The following FIRRM variants were observed in gnomAD, a reference collection of about 807,000 sequenced individuals.
FIRRM encodes FIGNL1-interacting regulator of recombination and mitosis.
chr1:169,795,356 G>A, the FIRRM span: 1 of 1,407,210 alleles, frequency 7.1e-7, no homozygotes, highest in Admixed American at 2.6e-5. Context: ...CAGTGAGTGG[G>A]ATGAAAAGTG....
the FIRRM span, chr1:169,827,741 G>A: frequency 1.9e-6 from 3 of 1,614,110 alleles, no homozygotes; most frequent in Admixed American, 3.3e-5. Context: ...TTTCCACAAT[G>A]TCTTCTTCTG....
the FIRRM span, among the ~76,000 whole-genome samples, chr1:169,810,147 C>T: frequency 6.6e-6 from 1 of 152,122 alleles, no homozygotes; most frequent in Non-Finnish European, 1.5e-5. Flanking sequence ...GCAGAGCCCT[C>T]ATGACTTAAT....
chr1:169,823,214 T>TACTGC, the FIRRM span, among the ~76,000 whole-genome samples: 1 of 149,996 alleles, frequency 6.7e-6, no homozygotes, highest in Non-Finnish European at 1.5e-5. Flanking sequence ...CACAACATTG[T>TACTGC]ACTGCAGCCT....
chr1:169,823,381 A>C, the FIRRM span: 4 of 1,481,148 alleles, frequency 2.7e-6, no homozygotes, highest in East Asian at 9.2e-5. Flanking sequence ...TTTTATGCAA[A>C]GAATGAATAG....
the FIRRM span, among the ~76,000 whole-genome samples, chr1:169,831,332 ATT>A: frequency 2.0e-5 from 3 of 152,066 alleles, no homozygotes; most frequent in African/African-American, 7.2e-5. Context: ...ATTATGACCT[ATT>A]TGTTACATAT....
chr1:169,798,278 CTT>C, the FIRRM span, among the ~76,000 whole-genome samples: 16 of 141,708 alleles, frequency 1.1e-4, no homozygotes, highest in Non-Finnish European at 1.1e-4. Flanking sequence ...GACCGTCTCT[CTT>C]TTTTTTTTTT....
the FIRRM span, among the ~76,000 whole-genome samples, chr1:169,845,392 C>T: frequency 0.58 from 87,630 of 152,010 alleles, 25,470 homozygotes; most frequent in Middle Eastern, 0.76. Context: ...GTTAGGGTGG[C>T]TGTGGCAATT....
At chr1:169,804,237 A>G in the FIRRM span, 2 of 1,502,010 alleles carry the variant, frequency 1.3e-6, no homozygotes, top group Non-Finnish European at 1.8e-6. Context: ...GAATATGGTA[A>G]TAGGTGAGTG....
the FIRRM span, chr1:169,793,766 C>T: frequency 7.2e-7 from 1 of 1,394,914 alleles, no homozygotes; most frequent in Non-Finnish European, 9.7e-7. Flanking sequence ...ATGATACACA[C>T]AAATCTGCCT....
chr1:169,844,218 T>G, the FIRRM span, among the ~76,000 whole-genome samples: 1 of 152,234 alleles, frequency 6.6e-6, no homozygotes, highest in Admixed American at 6.5e-5. Flanking sequence ...GAATTTCCTC[T>G]TTGGCCTCCA....
chr1:169,807,744 G>A, the FIRRM span: 2 of 1,495,950 alleles, frequency 1.3e-6, no homozygotes, highest in East Asian at 5.0e-5. Flanking sequence ...TAAGTTACTT[G>A]ATGTGTTACT....
the FIRRM span, among the ~76,000 whole-genome samples, chr1:169,784,082 G>A: frequency 6.6e-6 from 1 of 152,166 alleles, no homozygotes; most frequent in African/African-American, 2.4e-5. Context: ...CACCATGCCT[G>A]GCCATAATCA....
chr1:169,837,538 T>C, the FIRRM span, among the ~76,000 whole-genome samples: 4 of 152,246 alleles, frequency 2.6e-5, no homozygotes, highest in Non-Finnish European at 4.4e-5. Flanking sequence ...AAGAGACTTA[T>C]CTACTAGAAG....
the FIRRM span, among the ~76,000 whole-genome samples, chr1:169,816,343 G>A: frequency 2.6e-5 from 4 of 152,000 alleles, no homozygotes; most frequent in Non-Finnish European, 4.4e-5. Flanking sequence ...GAATAAGCAG[G>A]GTTAGTCTAA....
chr1:169,809,284 A>G, the FIRRM span, among the ~76,000 whole-genome samples: 2 of 151,224 alleles, frequency 1.3e-5, no homozygotes, highest in Non-Finnish European at 2.9e-5. Flanking sequence ...TTTTGTCCTC[A>G]CTTCATTCGT....
chr1:169,846,632 C>G, the FIRRM span, among the ~76,000 whole-genome samples: 3 of 152,172 alleles, frequency 2.0e-5, no homozygotes, highest in Non-Finnish European at 4.4e-5. Flanking sequence ...ACGGGTCAAC[C>G]TCATTAGCAT....
the FIRRM span, among the ~76,000 whole-genome samples, chr1:169,816,399 A>G: frequency 6.6e-6 from 1 of 152,226 alleles, no homozygotes; most frequent in African/African-American, 2.4e-5. Context: ...AAAACACTCA[A>G]AAACACCTAA....
chr1:169,826,436 C>T, the FIRRM span, among the ~76,000 whole-genome samples: 1 of 148,566 alleles, frequency 6.7e-6, no homozygotes, highest in Admixed American at 6.9e-5. Flanking sequence ...AGTCTTGGCT[C>T]ACAGCAACCT....
At chr1:169,831,437 AAG>A in the FIRRM span, among the ~76,000 whole-genome samples, 3 of 152,178 alleles carry the variant, frequency 2.0e-5, no homozygotes, top group Non-Finnish European at 2.9e-5. Flanking sequence ...TTTACCTTTA[AAG>A]GATTTTGTAG....
Sources: allele counts gnomAD v4.1 joint callset (sites outside exome capture counted in the v4.1 genomes callset), GRCh38; gene constraint gnomAD v4.1.1; transcripts MANE v1.5; gene names NCBI Gene and HGNC (gene_info 2026-07-23, HGNC 2026-07-21).